Variants in GASK1A observed in about 807,000 individuals in gnomAD.
GASK1A encodes the protein golgi associated kinase 1A, also known as Golgi-associated kinase 1A.
Under a neutral mutation model 41.2 loss-of-function variants are expected in GASK1A, and 40 were observed. The ratio of observed to expected loss-of-function variants is 0.97; its 90% CI spans 0.75 to 1.27. The LOEUF is 1.27. Ranked by LOEUF, GASK1A falls within the 50% of genes most tolerant of loss-of-function variation. The pLI is 0.00. For missense variants in GASK1A, 678 were observed against 745.1 expected, an observed-to-expected ratio of 0.91 and a Z score of 1.05; for synonymous variants, 316 against 307.1, an observed-to-expected ratio of 1.03 and a Z score of -0.30.
intron 1 of GASK1A, among the ~76,000 whole-genome samples, chr3:43,004,141 G>A (rs1041085186): frequency 6.6e-6 from 1 of 152,210 alleles, no homozygotes; most frequent in African/African-American, 2.4e-5. Context: ...GTGGCAGAAT[G>A]AGTGAGGAAG....
In GASK1A at chr3:43,032,612, A is replaced by C. The variant is rs1262293976; in HGVS notation, c.349A>C (p.Arg117=). The change falls in exon 2 of 5, where the codon AGG becomes CGG. Residue 117 remains arginine, a synonymous_variant. Coordinates refer to ENST00000430121, the MANE Select transcript of GASK1A (RefSeq NM_001129908.3). ...SPGGDLRHPG[R]VRRDITLSGH... ...AGGAGGGGACCTCAGGCATCCAGGG[A>C]GGGTGAGGAGGGACATTACTTTGTC... 1 of 1,551,642 alleles carries C rather than the reference A, an allele frequency of 6.4e-7. No individual in the cohort carries two copies. The highest frequency in any genetic ancestry group is 8.7e-7 in the Non-Finnish European group (1 of 1,146,948).
At chr3:42,980,763 T>A (rs2089278818) in intron 1 of GASK1A, among the ~76,000 whole-genome samples, 1 of 151,994 alleles carries the variant, frequency 6.6e-6, no homozygotes, top group South Asian at 2.1e-4. Context: ...CTAACACCTA[T>A]CCAGCTTCAG....
At position 43,000,837 on chromosome 3, in the gene GASK1A, C is replaced by T. The variant is rs116170983; in HGVS notation, c.3+21192C>T. Reference sequence around the variant, plus strand: ...TTGTATTTTGGGGCAAAGTGGGGCACGGAGGACAGTGAAGACTAATTTCTG... The same window carrying T: ...TTGTATTTTGGGGCAAAGTGGGGCATGGAGGACAGTGAAGACTAATTTCTG... On this transcript the variant is annotated intron_variant, in intron 1 of 4. Coordinates refer to ENST00000430121, the MANE Select transcript of GASK1A (RefSeq NM_001129908.3). Among the ~76,000 whole-genome samples the T allele has an allele frequency of 4.4e-3, 673 of 152,260 alleles. 10 individuals are homozygous for T. The highest frequency in any genetic ancestry group is 0.016 in the African/African-American group (647 of 41,544).
intron 1 of GASK1A, among the ~76,000 whole-genome samples, chr3:43,022,028 C>T (rs1383460248): frequency 1.3e-5 from 2 of 152,210 alleles, no homozygotes; most frequent in Non-Finnish European, 2.9e-5. Context: ...GCAGAAAAGA[C>T]AGGGTGTGTA....
At chr3:43,051,454 A>G (rs183023093) in intron 2 of GASK1A, among the ~76,000 whole-genome samples, 162 of 152,300 alleles carry the variant, frequency 1.1e-3, no homozygotes, top group Non-Finnish European at 2.0e-3. Context: ...TTGTGCTTGT[A>G]TAGTCTCAAG....
chr3:43,000,057 T>A (rs2089401090), intron 1 of GASK1A, among the ~76,000 whole-genome samples: 1 of 152,194 alleles, frequency 6.6e-6, no homozygotes, highest in African/African-American at 2.4e-5. Context: ...CTTAACTTTA[T>A]CACATATGCA....
chr3:43,016,994 G>T (rs1372676005), intron 1 of GASK1A, among the ~76,000 whole-genome samples: 1 of 151,934 alleles, frequency 6.6e-6, no homozygotes, highest in Non-Finnish European at 1.5e-5. Flanking sequence ...GAAGCCACTG[G>T]AAGGGGCTGT....
At chr3:43,045,472 A>G (rs964714194) in intron 2 of GASK1A, among the ~76,000 whole-genome samples, 5 of 152,208 alleles carry the variant, frequency 3.3e-5, no homozygotes, top group South Asian at 4.1e-4. Flanking sequence ...TGTATTATCT[A>G]TAATATATAA....
In GASK1A at chr3:43,032,434, A is replaced by C; in HGVS notation, c.171A>C (p.Ala57=). ...CTCAGGGGGTAACTGGCGCCCCTGCAACCCATATCCGGCAGGCTTTGAGCT... is the reference window on the plus strand; with the variant it reads ...CTCAGGGGGTAACTGGCGCCCCTGCCACCCATATCCGGCAGGCTTTGAGCT... ...MEPQGVTGAP[A]THIRQALSSS... The change falls in exon 2 of 5, where the codon GCA becomes GCC. Residue 57 remains alanine, a synonymous_variant. Transcript: ENST00000430121. The C allele has an allele frequency of 6.4e-7, 1 of 1,551,138 alleles. No individual in the cohort carries two copies. The highest frequency in any genetic ancestry group is 8.7e-7 in the Non-Finnish European group (1 of 1,146,600).
chr3:42,985,888 C>T (rs2125672285), intron 1 of GASK1A, among the ~76,000 whole-genome samples: 1 of 152,254 alleles, frequency 6.6e-6, no homozygotes, highest in Non-Finnish European at 1.5e-5. Flanking sequence ...AACTCTCATA[C>T]ATGAAAGTGG....
chr3:43,052,386 C>T (rs2089695489), intron 2 of GASK1A, among the ~76,000 whole-genome samples: 1 of 152,216 alleles, frequency 6.6e-6, no homozygotes, highest in African/African-American at 2.4e-5. Flanking sequence ...ATTCCTCTGT[C>T]CTCCTCCTTC....
chr3:43,049,464 G>T (rs375988276), intron 2 of GASK1A, among the ~76,000 whole-genome samples: 1 of 152,180 alleles, frequency 6.6e-6, no homozygotes, highest in Non-Finnish European at 1.5e-5. Context: ...GTTACCCAAA[G>T]TTCAGGAGGC....
chr3:43,016,337 G>A (rs749505759), intron 1 of GASK1A, among the ~76,000 whole-genome samples: 16 of 151,974 alleles, frequency 1.1e-4, no homozygotes, highest in Non-Finnish European at 2.2e-4. Context: ...GAAACAGGCT[G>A]TGTGAAGCCA....
chr3:43,045,800 A>C (rs2089659123), intron 2 of GASK1A, among the ~76,000 whole-genome samples: 1 of 152,124 alleles, frequency 6.6e-6, no homozygotes, highest in Non-Finnish European at 1.5e-5. Flanking sequence ...GGTTTCCTCA[A>C]TGCTATTCTC....
At chr3:42,988,389 G>A (rs1559396012) in intron 1 of GASK1A, among the ~76,000 whole-genome samples, 1 of 152,200 alleles carries the variant, frequency 6.6e-6, no homozygotes, top group Non-Finnish European at 1.5e-5. Flanking sequence ...CCATCTTGGG[G>A]CAGCAGGTTC....
chr3:43,044,069 A>G (rs1304348103), intron 2 of GASK1A, among the ~76,000 whole-genome samples: 1 of 152,202 alleles, frequency 6.6e-6, no homozygotes, highest in Non-Finnish European at 1.5e-5. Flanking sequence ...TTCCTCTGGA[A>G]ATAGATGCTG....
At chr3:43,053,036 T>C (rs138626894) in intron 2 of GASK1A, among the ~76,000 whole-genome samples, 1 of 152,204 alleles carries the variant, frequency 6.6e-6, no homozygotes, top group African/African-American at 2.4e-5. Context: ...TCCTCCTCTT[T>C]CCCTGGCTTG....
At chr3:42,986,204 C>G (rs371673811) in intron 1 of GASK1A, among the ~76,000 whole-genome samples, 1 of 152,184 alleles carries the variant, frequency 6.6e-6, no homozygotes, top group South Asian at 2.1e-4. Flanking sequence ...ATTATGCTGA[C>G]TGGGAGAAAC....
intron 1 of GASK1A, among the ~76,000 whole-genome samples, chr3:42,981,107 T>C (rs558519576): frequency 2.6e-5 from 4 of 152,178 alleles, no homozygotes; most frequent in Non-Finnish European, 5.9e-5. Context: ...AGCGTAAGCT[T>C]CCCGTTCTGT....
Sources: allele counts gnomAD v4.1 joint callset (sites outside exome capture counted in the v4.1 genomes callset), GRCh38; gene constraint gnomAD v4.1.1; transcripts MANE v1.5; gene names NCBI Gene and HGNC (gene_info 2026-07-23, HGNC 2026-07-21).